Variants in CDH13 observed in about 807,000 individuals in gnomAD.
The protein encoded by CDH13 is cadherin-13.
CDH13 carries 24 observed loss-of-function variants against 63.8 expected under a neutral mutation model. The ratio of observed to expected loss-of-function variants is 0.38; its 90% CI spans 0.27 to 0.53. The LOEUF (loss-of-function observed/expected upper bound fraction) is 0.53, where lower values mean the gene tolerates loss of function less well. Among genes scored for constraint, CDH13 ranks in the 20% least tolerant of loss-of-function variants. The pLI is 0.85. For missense variants in CDH13, 1,049 were observed against 903.1 expected (o/e 1.16, Z -2.07); for synonymous variants, 503 against 355.3 (o/e 1.42, Z -4.67).
rs114847472 is a variant in CDH13 at position 82,814,079 on chromosome 16, G to A, written c.46-44283G>A. ...CCTGAGGGTTTTATAGTTTGAGAGT[G>A]GATATACCAAAGTGCCTGGCTGTGA... On this transcript the variant is annotated intron_variant, in intron 1 of 13. Coordinates refer to ENST00000567109, the MANE Select transcript of CDH13 (RefSeq NM_001257.5). Among the ~76,000 whole-genome samples, 1,499 of 152,152 alleles carry A rather than the reference G, an allele frequency of 9.9e-3. 20 individuals carry two copies. The highest frequency in any genetic ancestry group is 0.034 in the African/African-American group (1,410 of 41,496).
intron 7 of CDH13, among the ~76,000 whole-genome samples, chr16:83,546,629 T>G (rs1348832080): frequency 6.6e-6 from 1 of 152,216 alleles, no homozygotes; most frequent in Admixed American, 6.5e-5. Context: ...TGATCTTTAC[T>G]CAAATTCACC....
intron 8 of CDH13, among the ~76,000 whole-genome samples, chr16:83,634,566 A>C (rs924489438): frequency 6.6e-6 from 1 of 151,842 alleles, no homozygotes; most frequent in Non-Finnish European, 1.5e-5. Flanking sequence ...ATGCCCAGCT[A>C]ATTTTTGTAT....
chr16:83,512,673 TA>T (rs2074600647), intron 7 of CDH13, among the ~76,000 whole-genome samples: 2 of 149,592 alleles, frequency 1.3e-5, no homozygotes, highest in Admixed American at 1.3e-4. Flanking sequence ...GTCTCAATAA[TA>T]ATAATAATAA....
At chr16:83,040,604 C>G (rs905980176) in intron 3 of CDH13, among the ~76,000 whole-genome samples, 1 of 152,214 alleles carries the variant, frequency 6.6e-6, no homozygotes, top group Non-Finnish European at 1.5e-5. Flanking sequence ...TGGTTTTATG[C>G]TGGCAGCTGA....
intron 5 of CDH13, among the ~76,000 whole-genome samples, chr16:83,256,578 TC>T (rs915393668): frequency 2.7e-5 from 4 of 149,650 alleles, no homozygotes; most frequent in African/African-American, 9.9e-5. Flanking sequence ...ACGCCTGTAA[TC>T]CCAGCACTTT....
chr16:83,622,750 G>A (rs4782831), intron 8 of CDH13, among the ~76,000 whole-genome samples: 108,786 of 152,114 alleles, frequency 0.72, 39,435 homozygotes, highest in African/African-American at 0.83. Context: ...AGAATCATTA[G>A]TGAGATAATG....
At chr16:83,265,797 C>G (rs1346857507) in intron 5 of CDH13, among the ~76,000 whole-genome samples, 1 of 106,242 alleles carries the variant, frequency 9.4e-6, no homozygotes, top group African/African-American at 3.7e-5. Flanking sequence ...CTTTGTGAAT[C>G]TTTGCTGCCG....
chr16:82,700,740 C>T (rs1381902281), intron 1 of CDH13, among the ~76,000 whole-genome samples: 1 of 152,098 alleles, frequency 6.6e-6, no homozygotes, highest in Non-Finnish European at 1.5e-5. Context: ...TTTGCCCTCA[C>T]AAAGGATTTC....
intron 4 of CDH13, among the ~76,000 whole-genome samples, chr16:83,181,621 T>A (rs533289619): frequency 1.6e-3 from 251 of 152,212 alleles, no homozygotes; most frequent in Non-Finnish European, 2.6e-3. Context: ...TCAGGAAGGT[T>A]GAGTTGAGCC....
intron 5 of CDH13, among the ~76,000 whole-genome samples, chr16:83,303,771 T>G (rs1046011990): frequency 4.6e-5 from 7 of 152,160 alleles, no homozygotes; most frequent in African/African-American, 1.7e-4. Flanking sequence ...CAAAGAGCCA[T>G]ATTTTGGAGT....
intron 7 of CDH13, among the ~76,000 whole-genome samples, chr16:83,518,049 A>G (rs1213351272): frequency 3.9e-5 from 6 of 152,176 alleles, no homozygotes; most frequent in African/African-American, 1.4e-4. Flanking sequence ...TCCACATGTC[A>G]TAGGAGGGAC....
At position 83,796,977 on chromosome 16, in the gene CDH13, G is replaced by C. The variant is rs1382255086; in HGVS notation, c.*1947G>C. The C allele has an allele frequency of 1.3e-5, 2 of 152,208 alleles. No individual in the cohort carries two copies. Among genetic ancestry groups the C allele is most frequent in the African/African-American group, 4.8e-5 (2 of 41,442 alleles). The allele number at this position is 152,208 out of a possible 1,614,324, so 9.4% of individuals were successfully genotyped here. A position where few individuals can be genotyped will look rare whatever the true frequency, so the allele number is the denominator to read the frequency against. On this transcript the variant is annotated 3_prime_UTR_variant, in exon 14 of 14. Transcript: ENST00000567109. The stretch of plus-strand genomic sequence containing the variant: ...TCAGGAGATGCCACACCTTGAACTT[G>C]ATAGGGTCATTCTCCACGAGCACAT...
At chr16:83,054,680 G>A (rs2030738708) in intron 3 of CDH13, among the ~76,000 whole-genome samples, 1 of 152,104 alleles carries the variant, frequency 6.6e-6, no homozygotes, top group African/African-American at 2.4e-5. Context: ...AGGGTGACTG[G>A]TGTATAAAAT....
At chr16:83,496,624 C>A (rs1341304825) in intron 7 of CDH13, among the ~76,000 whole-genome samples, 1 of 152,114 alleles carries the variant, frequency 6.6e-6, no homozygotes, top group South Asian at 2.1e-4. Flanking sequence ...GTCTAAAACA[C>A]CAAAAGCAAT....
intron 1 of CDH13, among the ~76,000 whole-genome samples, chr16:82,808,166 A>G (rs1240869880): frequency 6.6e-6 from 1 of 152,124 alleles, no homozygotes; most frequent in Non-Finnish European, 1.5e-5. Context: ...GCAAAATGAA[A>G]TGAGAGGGGA....
chr16:82,660,771 GGGTGGTT>G (rs1466854820), intron 1 of CDH13, among the ~76,000 whole-genome samples: 8 of 152,142 alleles, frequency 5.3e-5, no homozygotes, highest in Non-Finnish European at 7.4e-5. Flanking sequence ...TCAGCATGGC[GGGTGGTT>G]TTCTTTCCCC....
chr16:83,372,773 AGACAAT>A (rs1385741161), intron 6 of CDH13, among the ~76,000 whole-genome samples: 3 of 145,126 alleles, frequency 2.1e-5, no homozygotes, highest in Non-Finnish European at 4.6e-5. Context: ...AAAAAAAAAA[AGACAAT>A]GACAGAGAGC....
chr16:83,627,379 A>G (rs945160297), intron 8 of CDH13, among the ~76,000 whole-genome samples: 2 of 152,162 alleles, frequency 1.3e-5, no homozygotes, highest in African/African-American at 4.8e-5. Context: ...ATGAACATAC[A>G]TACAGCGAAG....
intron 5 of CDH13, among the ~76,000 whole-genome samples, chr16:83,317,803 A>G (rs542852775): frequency 1.4e-5 from 2 of 142,076 alleles, no homozygotes; most frequent in Admixed American, 1.4e-4. Context: ...CTGTCTCAAG[A>G]AAAAAAAAAA....
Sources: gnomAD v4.1 joint callset for allele counts (sites outside exome capture counted in the v4.1 genomes callset) on GRCh38, gnomAD v4.1.1 for gene constraint, MANE v1.5 for transcripts, NCBI Gene and HGNC (gene_info 2026-07-23, HGNC 2026-07-21) for gene names.